Variants in NTM observed in about 807,000 individuals in gnomAD.
The protein encoded by NTM is IgLON family member 2.
In NTM, 13 loss-of-function variants were observed where a neutral mutation model predicts 42.1. That is an observed-to-expected ratio of 0.31 (90% CI 0.20 to 0.49). NTM has a LOEUF of 0.49. Among genes scored for constraint, NTM ranks in the 20% least tolerant of loss-of-function variants. The pLI is 0.99. For missense variants in NTM, 373 were observed against 452.8 expected, an observed-to-expected ratio of 0.82 and a Z score of 1.60; for synonymous variants, 187 against 179.2, an observed-to-expected ratio of 1.04 and a Z score of -0.35.
intron 1 of NTM, among the ~76,000 whole-genome samples, chr11:131,715,951 A>G (rs2077651542): frequency 6.6e-6 from 1 of 152,218 alleles, no homozygotes; most frequent in South Asian, 2.1e-4. Context: ...TAAAGCTCCT[A>G]TGAGCATTCA....
At chr11:132,327,198 G>C (rs2095701194) in intron 7 of NTM, among the ~76,000 whole-genome samples, 1 of 152,154 alleles carries the variant, frequency 6.6e-6, no homozygotes, top group Non-Finnish European at 1.5e-5. Context: ...ACTGTACTCA[G>C]GCCACTGTGC....
chr11:131,992,655 T>G (rs1158370915), intron 2 of NTM, among the ~76,000 whole-genome samples: 1 of 152,198 alleles, frequency 6.6e-6, no homozygotes, highest in Non-Finnish European at 1.5e-5. Context: ...TAAGAGCATC[T>G]AAGATTAAAT....
At chr11:132,282,959 G>A (rs1236236295) in intron 4 of NTM, among the ~76,000 whole-genome samples, 2 of 133,510 alleles carry the variant, frequency 1.5e-5, no homozygotes, top group Admixed American at 1.6e-4. Flanking sequence ...GAAATGAAAC[G>A]GGAAATTCCT....
chr11:131,607,478 T>G (rs759953829), intron 1 of NTM, among the ~76,000 whole-genome samples: 9 of 152,206 alleles, frequency 5.9e-5, no homozygotes, highest in Non-Finnish European at 1.2e-4. Flanking sequence ...CTGGGCCAAT[T>G]AATCCCAATC....
intron 1 of NTM, among the ~76,000 whole-genome samples, chr11:131,428,176 G>A (rs1320241210): frequency 3.3e-5 from 5 of 152,152 alleles, no homozygotes; most frequent in Admixed American, 3.3e-4. Flanking sequence ...TCCCCTTGAT[G>A]TTATTATTGG....
chr11:131,730,637 C>T (rs768508129), intron 1 of NTM, among the ~76,000 whole-genome samples: 5 of 151,524 alleles, frequency 3.3e-5, no homozygotes, highest in East Asian at 1.9e-4. Flanking sequence ...GGGGATTGTT[C>T]GAGCCTAGGA....
chr11:131,599,275 C>A (rs2060246121), intron 1 of NTM, among the ~76,000 whole-genome samples: 1 of 148,808 alleles, frequency 6.7e-6, no homozygotes, highest in Non-Finnish European at 1.5e-5. Context: ...CAGTCTCCAG[C>A]AGATGCCCTG....
At chr11:131,868,747 A>G (rs74801825) in intron 1 of NTM, among the ~76,000 whole-genome samples, 5,185 of 152,138 alleles carry the variant, frequency 0.034, 309 homozygotes, top group African/African-American at 0.12. Context: ...TCCCCTTCAC[A>G]TGCTACCTTC....
chr11:131,843,359 A>G (rs924625448), intron 1 of NTM, among the ~76,000 whole-genome samples: 1 of 152,192 alleles, frequency 6.6e-6, no homozygotes, highest in African/African-American at 2.4e-5. Flanking sequence ...TTGAACTACT[A>G]TAAATGGTCT....
chr11:131,673,241 G>T (rs1350025660), intron 1 of NTM, among the ~76,000 whole-genome samples: 1 of 152,170 alleles, frequency 6.6e-6, no homozygotes, highest in African/African-American at 2.4e-5. Context: ...TACAGCTGGT[G>T]ACCAGGAGGA....
rs56198426 is a variant in NTM at position 131,968,486 on chromosome 11, G to C, written c.167+56838G>C. ...GCAGGTGGCGGCCCTTCTTCCAATCGTACCCAGCAAAAGTAGGCTCAGGGG... is the reference window on the plus strand; with the variant it reads ...GCAGGTGGCGGCCCTTCTTCCAATCCTACCCAGCAAAAGTAGGCTCAGGGG... On this transcript the variant is annotated intron_variant, in intron 2 of 8. Coordinates refer to ENST00000683400, the MANE Select transcript of NTM (RefSeq NM_001352005.2). Among the ~76,000 whole-genome samples, 439 of 152,182 alleles carry C rather than the reference G, an allele frequency of 2.9e-3. 2 individuals carry two copies. The highest frequency in any genetic ancestry group is 9.5e-3 in the African/African-American group (393 of 41,528).
intron 1 of NTM, among the ~76,000 whole-genome samples, chr11:131,842,732 C>G (rs2044415747): frequency 1.3e-5 from 2 of 152,062 alleles, no homozygotes; most frequent in Non-Finnish European, 2.9e-5. Context: ...AATATGAGGG[C>G]AAGCAAAGTG....
At chr11:132,056,071 A>G (rs2079606697) in intron 2 of NTM, among the ~76,000 whole-genome samples, 1 of 152,230 alleles carries the variant, frequency 6.6e-6, no homozygotes, top group South Asian at 2.1e-4. Context: ...TCTCATGAGC[A>G]GGTTTCAATT....
chr11:131,893,193 C>T (rs1368220041), intron 1 of NTM, among the ~76,000 whole-genome samples: 1 of 152,144 alleles, frequency 6.6e-6, no homozygotes, highest in Admixed American at 6.5e-5. Flanking sequence ...ATTTTGGGTG[C>T]TCAATTGTTT....
intron 1 of NTM, among the ~76,000 whole-genome samples, chr11:131,910,477 C>CGCGCCCCGCGCCCT (rs964890420): frequency 6.6e-6 from 1 of 151,360 alleles, no homozygotes; most frequent in Admixed American, 6.6e-5. Flanking sequence ...CCCCGCGCCC[C>CGCGCCCCGCGCCCT]GCGCCCTCCC....
At chr11:131,526,542 AG>A (rs2050511749) in intron 1 of NTM, among the ~76,000 whole-genome samples, 1 of 152,218 alleles carries the variant, frequency 6.6e-6, no homozygotes, top group South Asian at 2.1e-4. Context: ...GTGATAAGGT[AG>A]GTTGTCGAAA....
chr11:132,240,062 CAT>C (rs1411883352), intron 4 of NTM, among the ~76,000 whole-genome samples: 88 of 92,722 alleles, frequency 9.5e-4, no homozygotes, highest in Non-Finnish European at 2.3e-3. Flanking sequence ...TCCATCCCTC[CAT>C]CCGTCCATCC....
At chr11:132,270,647 A>G (rs924223896) in intron 4 of NTM, among the ~76,000 whole-genome samples, 1 of 139,836 alleles carries the variant, frequency 7.2e-6, no homozygotes, top group Non-Finnish European at 1.5e-5. Flanking sequence ...TTATAAATTT[A>G]TTTTTATTTT....
intron 2 of NTM, among the ~76,000 whole-genome samples, chr11:131,957,828 T>C (rs893643941): frequency 2.6e-5 from 4 of 152,164 alleles, no homozygotes; most frequent in African/African-American, 4.8e-5. Context: ...AGGGAATTTT[T>C]CGAAGGAAAG....
Sources: allele counts gnomAD v4.1 joint callset (sites outside exome capture counted in the v4.1 genomes callset), GRCh38; gene constraint gnomAD v4.1.1; transcripts MANE v1.5; gene names NCBI Gene and HGNC (gene_info 2026-07-23, HGNC 2026-07-21).